PLCH2: variants seen among roughly 807,000 people sequenced by gnomAD.
PLCH2 encodes phospholipase C eta 2, also known as 1-phosphatidylinositol 4,5-bisphosphate phosphodiesterase eta-2.
Under a neutral mutation model 134.7 loss-of-function variants are expected in PLCH2, and 98 were observed. That is an observed-to-expected ratio of 0.73 (90% CI 0.62 to 0.86). The LOEUF is 0.86. PLCH2 is among the 40% of genes least tolerant of loss of function. PLCH2 has a pLI of 0.00. For synonymous variants in PLCH2, 974 were observed against 827.5 expected (o/e 1.18, Z -3.04); for missense variants, 1,994 against 1,986.6 (o/e 1.00, Z -0.07).
At chr1:2,461,226 A>G (rs1640787253) in intron 2 of PLCH2, among the ~76,000 whole-genome samples, 1 of 152,140 alleles carries the variant, frequency 6.6e-6, no homozygotes, top group Non-Finnish European at 1.5e-5. Context: ...AGGCTGTTGC[A>G]GGGGGGTAGG....
intron 1 of PLCH2, among the ~76,000 whole-genome samples, chr1:2,468,620 G>A (rs1369879296): frequency 6.6e-6 from 1 of 152,250 alleles, no homozygotes; most frequent in African/African-American, 2.4e-5. Context: ...AGAAGAAGTG[G>A]CTCAGGCCAG....
At chr1:2,483,455 CTT>C (rs1642082921) in intron 4 of PLCH2, among the ~76,000 whole-genome samples, 1 of 152,192 alleles carries the variant, frequency 6.6e-6, no homozygotes. Flanking sequence ...CTCTGGAACT[CTT>C]TGAAGAGCAG....
rs748528144 is a variant in PLCH2, at chr1:2,499,249, G to A, written c.2581+19G>A. On this transcript the variant is annotated intron_variant, in intron 19 of 21. Transcript: ENST00000378486. ...ATGCCAGGTGGGCAGGAGTGGACAC[G>A]GTGCCCCCCACACTGGCCGAGGGCC... The A allele has an allele frequency of 9.3e-5, 150 of 1,611,698 alleles. No homozygotes were observed. The highest frequency in any genetic ancestry group is 1.3e-4 in the Non-Finnish European group (148 of 1,179,320).
At chr1:2,475,985 C>T (rs927162958), upstream of PLCH2, among the ~76,000 whole-genome samples, 7 of 152,212 alleles carry the variant, frequency 4.6e-5, no homozygotes, top group Non-Finnish European at 1.0e-4. Flanking sequence ...CCACTCCAGG[C>T]CCAGCCTCGG....
intron 2 of PLCH2, among the ~76,000 whole-genome samples, chr1:2,450,533 C>A (rs1333455418): frequency 1.5e-5 from 2 of 137,370 alleles, no homozygotes; most frequent in Admixed American, 1.4e-4. Flanking sequence ...TGGCCCCACT[C>A]CCCGCTTGCC....
intron 16 of PLCH2, 105 bp downstream of exon 16, chr1:2,497,714 G>A: frequency 1.2e-6 from 1 of 808,866 alleles, no homozygotes; most frequent in Non-Finnish European, 2.0e-6. Flanking sequence ...AAGGGGGTGG[G>A]GGCGGCTTTG....
In PLCH2 at chr1:2,480,159, G is replaced by A. The variant is rs374339953; in HGVS notation, c.516-24G>A. On this transcript the variant is annotated intron_variant, in intron 3 of 21. Coordinates refer to ENST00000378486, the MANE Select transcript of PLCH2 (RefSeq NM_014638.4). The stretch of plus-strand genomic sequence containing the variant: ...GTCAGGGCTGGGCCCATGGATCGCT[G>A]TTGGCCCCTAACTCGGCACCAAAGT... 2.1e-4 allele frequency: 332 copies of A among 1,612,402 alleles called. No homozygotes were observed. The Middle Eastern group carries it at 3.1e-3, about 15-fold the overall frequency.
In PLCH2 at chr1:2,478,762, G is replaced by A. The variant is rs1267311187; in HGVS notation, c.271+140G>A. On this transcript the variant is annotated intron_variant, in intron 2 of 21. Transcript: ENST00000378486. ...CACCTCTGGGCTCAGTGGCCTTGGG[G>A]ATCTGCAGTGACCTCGGGCTGTGGG... is the stretch of plus-strand genomic sequence containing the variant. 1.1e-5 allele frequency: 9 copies of A among 839,140 alleles called. No homozygotes were observed. The South Asian group carries it at 1.2e-4, about 11-fold the overall frequency. The allele number at this position is 839,140 out of a possible 1,614,324, so 52.0% of individuals were successfully genotyped here. A position where few individuals can be genotyped will look rare whatever the true frequency, so the allele number is the denominator to read the frequency against.
intron 2 of PLCH2, among the ~76,000 whole-genome samples, chr1:2,456,376 C>T (rs923472593): frequency 3.3e-5 from 5 of 152,182 alleles, no homozygotes; most frequent in African/African-American, 1.2e-4. Context: ...GGAGGCGGGG[C>T]GGCCCTGGGG....
rs1159787558 is a variant in PLCH2 at position 2,505,033 on chromosome 1, G to A, written c.4071G>A (p.Gln1357=). The change falls in exon 22 of 22, where the codon CAG becomes CAA. Residue 1357 remains glutamine (Q), a synonymous_variant. Transcript: ENST00000378486. ...RAIASRARQA[Q]ERQQRLQGLG... Reference sequence around the variant, plus strand: ...TTGCCAGCCGGGCCCGCCAGGCCCAGGAGCGGCAGCAGAGACTGCAGGGCC... The same window carrying A: ...TTGCCAGCCGGGCCCGCCAGGCCCAAGAGCGGCAGCAGAGACTGCAGGGCC... 1.3e-6 allele frequency: 2 copies of A among 1,544,078 alleles called. No homozygotes were observed. Among genetic ancestry groups the A allele is most frequent in the South Asian group, 1.2e-5 (1 of 84,688 alleles).
chr1:2,439,764 G>A lies in PLCH2; in HGVS notation c.115+9135G>A, dbSNP rs145272295. Among the ~76,000 whole-genome samples, 16 of 152,228 alleles carry A rather than the reference G, an allele frequency of 1.1e-4. No homozygotes were observed. Among genetic ancestry groups the A allele is most frequent in the African/African-American group, 2.6e-4 (11 of 41,550 alleles). ...GTCCCGGGGTCCGTGGGGAGAGCCCGTCAGAGTCCAGCTGGATTCTTCTCC... is the reference window on the plus strand; with the variant it reads ...GTCCCGGGGTCCGTGGGGAGAGCCCATCAGAGTCCAGCTGGATTCTTCTCC... On this transcript the variant is annotated intron_variant, in intron 2 of 3. Transcript: ENST00000609981. The surrounding 1 kb of genome is among the most constrained non-coding windows in gnomAD (Gnocchi z 4.7).
chr1:2,503,075 T>C, intron 21 of PLCH2: 1 of 703,784 alleles, frequency 1.4e-6, no homozygotes, highest in Admixed American at 2.0e-5. Context: ...TTGGCTTGCC[T>C]GTGGCCCATA....
intron 1 of PLCH2, among the ~76,000 whole-genome samples, chr1:2,469,594 GGGGCCCTCTC>G (rs1224650264): frequency 6.6e-6 from 1 of 152,130 alleles, no homozygotes. Flanking sequence ...TGGGGTGCCT[GGGGCCCTCTC>G]AGGGACCCAG....
rs746653272 is a variant in PLCH2 at position 2,504,131 on chromosome 1, CG to C, written c.3171del (p.Pro1058ArgfsTer33). The C allele has an allele frequency of 6.6e-7, 1 of 1,523,060 alleles. No individual in the cohort carries two copies. Among genetic ancestry groups the C allele is most frequent in the Non-Finnish European group, 8.8e-7 (1 of 1,136,542 alleles). The allele number at this position is 1,523,060 out of a possible 1,614,324, so 94.3% of individuals were successfully genotyped here. ...DTEEPRDSRP[R>X]PCNGEGAGGA... ...TGAGGAGCCCCGAGACAGCAGGCCTCGGCCGTGCAACGGCGAGGGCGCCGGC... is the reference window on the plus strand; with the variant it reads ...TGAGGAGCCCCGAGACAGCAGGCCTCGCCGTGCAACGGCGAGGGCGCCGGC... On this transcript the variant is annotated frameshift_variant, in exon 22 of 22. Transcript: ENST00000378486. LOFTEE classifies it high-confidence loss of function.
At position 2,504,954 on chromosome 1, in the gene PLCH2, GC is replaced by G; in HGVS notation, c.3995del (p.Pro1332LeufsTer166). On this transcript the variant is annotated frameshift_variant, in exon 22 of 22. Transcript: ENST00000378486. LOFTEE classifies it high-confidence loss of function. ...LGPAGEGVAG[G>X]PGFVRRSSSR... ...CCGGCTGGGGAGGGGGTGGCAGGGG[GC>G]CCTGGTTTTGTGCGGCGCTCCTCCT... The G allele has an allele frequency of 1.3e-6, 2 of 1,560,512 alleles. No homozygotes were observed. Among genetic ancestry groups the G allele is most frequent in the Non-Finnish European group, 1.7e-6 (2 of 1,154,154 alleles).
At chr1:2,457,644 G>A (rs1640560254) in intron 2 of PLCH2, among the ~76,000 whole-genome samples, 1 of 152,056 alleles carries the variant, frequency 6.6e-6, no homozygotes, top group Non-Finnish European at 1.5e-5. Context: ...AGGCAGTCAG[G>A]GAGGACTCCC....
At position 2,479,787 on chromosome 1, in the gene PLCH2, C is replaced by T. The variant is rs1316182272; in HGVS notation, c.325C>T (p.Gln109Ter). The T allele has an allele frequency of 1.9e-6, 3 of 1,570,508 alleles. No homozygotes were observed. The highest frequency in any genetic ancestry group is 2.6e-6 in the Non-Finnish European group (3 of 1,158,522). Residue 109 changes from glutamine (Q) to a stop codon, truncating the protein, a stop_gained, in exon 3 of 22, where the codon CAG becomes TAG. Coordinates refer to ENST00000378486, the MANE Select transcript of PLCH2 (RefSeq NM_014638.4). LOFTEE classifies it high-confidence loss of function. Reference protein sequence around the residue: ...VSEGRQSEVFQRYPDGSFDPN... With the variant: ...VSEGRQSEVF ...TGAGGGGCGGCAGTCGGAGGTCTTC[C>T]AGCGCTACCCTGACGGCAGCTTCGA... is the stretch of plus-strand genomic sequence containing the variant.
At chr1:2,481,857 G>A (rs1641988595) in intron 4 of PLCH2, among the ~76,000 whole-genome samples, 1 of 152,250 alleles carries the variant, frequency 6.6e-6, no homozygotes, top group African/African-American at 2.4e-5. Flanking sequence ...CCGAGAGAAG[G>A]AGCCTGCAGC....
chr1:2,455,825 C>T (rs536381821), intron 2 of PLCH2, among the ~76,000 whole-genome samples: 6 of 152,310 alleles, frequency 3.9e-5, no homozygotes, highest in Middle Eastern at 3.4e-3. Flanking sequence ...CCTCCCTCCC[C>T]GGCCGTGCCC....
Sources: gnomAD v4.1 joint callset for allele counts (sites outside exome capture counted in the v4.1 genomes callset) on GRCh38, gnomAD v4.1.1 for gene constraint, Gnocchi (gnomAD v3.1) non-coding constraint, MANE v1.5 for transcripts, NCBI Gene and HGNC (gene_info 2026-07-23, HGNC 2026-07-21) for gene names.